The following RTF2 variants were observed in gnomAD, a reference collection of about 807,000 sequenced individuals.
RTF2 encodes the protein replication termination factor 2.
RTF2 carries 18 observed loss-of-function variants against 38.0 expected under a neutral mutation model. The ratio of observed to expected loss-of-function variants is 0.47; its 90% CI spans 0.33 to 0.70. The LOEUF is 0.70. RTF2 is among the 30% of genes least tolerant of loss of function. RTF2 has a pLI of 0.02. For missense variants in RTF2, 311 were observed against 379.6 expected (o/e 0.82, Z 1.50); for synonymous variants, 126 against 137.1 (o/e 0.92, Z 0.57).
intron 5 of RTF2, among the ~76,000 whole-genome samples, chr20:56,507,614 C>A (rs1984364252): frequency 6.6e-6 from 1 of 152,154 alleles, no homozygotes; most frequent in Non-Finnish European, 1.5e-5. Flanking sequence ...ACAGTCTGAT[C>A]TAGAGGAAGG....
At chr20:56,494,465 ACT>A (rs1983378386) in intron 5 of RTF2, among the ~76,000 whole-genome samples, 1 of 152,168 alleles carries the variant, frequency 6.6e-6, no homozygotes, top group South Asian at 2.1e-4. Context: ...CTGAGCATTT[ACT>A]GACTAGTCCT....
chr20:56,503,228 G>A (rs1827346802), intron 5 of RTF2, among the ~76,000 whole-genome samples: 1 of 152,220 alleles, frequency 6.6e-6, no homozygotes, highest in Non-Finnish European at 1.5e-5. Flanking sequence ...AGTTACTTGA[G>A]ATGAGTTGGA....
chr20:56,502,774 G>A (rs1984004462), intron 5 of RTF2, among the ~76,000 whole-genome samples: 1 of 152,166 alleles, frequency 6.6e-6, no homozygotes, highest in Admixed American at 6.5e-5. Flanking sequence ...TTCAAAAAGG[G>A]TGGGGGTTGA....
intron 5 of RTF2, chr20:56,496,841 A>T (rs780624175): frequency 7.1e-6 from 11 of 1,551,696 alleles, no homozygotes; most frequent in Non-Finnish European, 9.6e-6. Flanking sequence ...GTGCATAGAT[A>T]CTTCCTTTAG....
Position 56,474,664 on chromosome 20 carries a change from A to G in RTF2, c.165-14A>G. The stretch of plus-strand genomic sequence containing the variant: ...TCGCTTGTTGACATAATATTCTAAT[A>G]CTTACTATTGCAGACTTTATAACAA... On this transcript the variant is annotated splice_polypyrimidine_tract_variant and intron_variant, in intron 2 of 8. Coordinates refer to ENST00000357348, the MANE Select transcript of RTF2 (RefSeq NM_016407.5). 1.9e-6 allele frequency: 3 copies of G among 1,550,878 alleles called. No individual in the cohort carries two copies. The highest frequency in any genetic ancestry group is 2.6e-6 in the Non-Finnish European group (3 of 1,134,652).
At chr20:56,515,665 G>GAGACAC (rs1985002078) in intron 6 of RTF2, 1 of 145,684 alleles carries the variant, frequency 6.9e-6, no homozygotes, top group Admixed American at 6.9e-5. Flanking sequence ...CTCAGACAGA[G>GAGACAC]ACACACACAC....
Position 56,513,337 on chromosome 20 carries a change from A to G in RTF2, c.500A>G (p.Asp167Gly). 6.2e-7 allele frequency: 1 copy of G among 1,604,808 alleles called. No individual in the cohort carries two copies. The highest frequency in any genetic ancestry group is 8.5e-7 in the Non-Finnish European group (1 of 1,176,190). Residue 167 changes from aspartate (D) to glycine (G), a missense_variant, in exon 6 of 9, where the codon GAT becomes GGT. Transcript: ENST00000357348. The part of the protein sequence containing the change: ...CHTCGAAFQE[D>G]DVIMLNGTKE... ...CAGTGTGGGGCTGCCTTCCAGGAGGATGATGTCATCATGCTCAATGGCACC... is the reference window on the plus strand; with the variant it reads ...CAGTGTGGGGCTGCCTTCCAGGAGGGTGATGTCATCATGCTCAATGGCACC...
chr20:56,504,070 G>T (rs1984104590), intron 5 of RTF2: 1 of 152,286 alleles, frequency 6.6e-6, no homozygotes. Context: ...GAAGCCCCCT[G>T]GTTCCTGGAG....
intron 5 of RTF2, among the ~76,000 whole-genome samples, chr20:56,512,285 T>C (rs1984725070): frequency 6.6e-6 from 1 of 152,170 alleles, no homozygotes; most frequent in South Asian, 2.1e-4. Context: ...CGTTCTCTTT[T>C]TTTCCCTGTT....
At chr20:56,509,527 C>A (rs911902827) in intron 5 of RTF2, among the ~76,000 whole-genome samples, 1 of 151,184 alleles carries the variant, frequency 6.6e-6, no homozygotes, top group Admixed American at 6.6e-5. Context: ...GCAGGAGAAT[C>A]GCTTGAACCC....
rs1983040473 is a variant in RTF2, at chr20:56,490,364, G to GAA, written c.477+6176_477+6177insAA. Among the ~76,000 whole-genome samples the GAA allele has an allele frequency of 2.6e-5, 4 of 152,300 alleles. No homozygotes were observed. The South Asian group carries it at 8.3e-4, about 32-fold the overall frequency. On this transcript the variant is annotated intron_variant, in intron 5 of 8. Coordinates refer to ENST00000357348, the MANE Select transcript of RTF2 (RefSeq NM_016407.5). Reference sequence around the variant, plus strand: ...TGTATGAACTCTTTTAGAGAAGGAGGATATATATAAAGTTCTCCACAACAG... The same window carrying GAA: ...TGTATGAACTCTTTTAGAGAAGGAGGAAATATATATAAAGTTCTCCACAACAG...
Position 56,468,755 on chromosome 20 carries a change from A to G in RTF2, c.58A>G (p.Lys20Glu). 1 of 1,582,616 alleles carries G rather than the reference A, an allele frequency of 6.3e-7. No homozygotes were observed. The highest frequency in any genetic ancestry group is 2.3e-5 in the East Asian group (1 of 43,026). The change falls in exon 1 of 9, where the codon AAG (lysine) becomes GAG (glutamate). Residue 20 changes from lysine (K) to glutamate (E), a missense_variant. By Grantham distance (56) the Lys-to-Glu change is moderately conservative. Coordinates refer to ENST00000357348, the MANE Select transcript of RTF2 (RefSeq NM_016407.5). ...GCATGAACTGGTGAAGGGGCCGAAG[A>G]AGGTTGAGAAGGTCAGTGATGTGGG... ...KRHELVKGPK[K>E]VEKVDKDAEL...
intron 4 of RTF2, among the ~76,000 whole-genome samples, chr20:56,482,964 C>A (rs1344778242): frequency 6.6e-6 from 1 of 152,196 alleles, no homozygotes; most frequent in Non-Finnish European, 1.5e-5. Flanking sequence ...CTCATGGGGT[C>A]ACATTATATG....
rs578181688 is a variant in RTF2, at chr20:56,506,787, G to A, written c.478-6528G>A. ...ACGATCTCGGCTCACTGCAAGCTCC[G>A]CCTCCCAGCTTCACGCCATTCTCCT... On this transcript the variant is annotated intron_variant, in intron 5 of 8. Transcript: ENST00000357348. Among the ~76,000 whole-genome samples, 6 of 151,862 alleles carry A rather than the reference G, an allele frequency of 4.0e-5. No individual in the cohort carries two copies. The East Asian group carries it at 1.2e-3, about 30-fold the overall frequency.
chr20:56,491,700 A>G lies in RTF2; in HGVS notation c.477+7511A>G, dbSNP rs1318877954. ...ACAAGCGGGTCTGTCGAGGGTTCGAATTTGTTGGCAAACAGAGAAGGCGAC... is the reference window on the plus strand; with the variant it reads ...ACAAGCGGGTCTGTCGAGGGTTCGAGTTTGTTGGCAAACAGAGAAGGCGAC... On this transcript the variant is annotated intron_variant, in intron 5 of 8. Transcript: ENST00000357348. 3.2e-6 allele frequency: 5 copies of G among 1,552,124 alleles called. No individual in the cohort carries two copies. In the East Asian group the frequency reaches 7.3e-5, roughly 23 times the overall value.
chr20:56,517,230 G>C, intron 8 of RTF2, 29 bp downstream of exon 8: 1 of 1,587,970 alleles, frequency 6.3e-7, no homozygotes, highest in East Asian at 2.2e-5. Flanking sequence ...ACAGGGAGCT[G>C]TTTCGAGAAG....
chr20:56,497,703 A>G (rs1245327106), intron 5 of RTF2: 1 of 916,486 alleles, frequency 1.1e-6, no homozygotes, highest in African/African-American at 1.8e-5. Flanking sequence ...AGGGTGTTGT[A>G]ATTCTCCCCC....
chr20:56,491,825 C>T (rs1983165647), intron 5 of RTF2: 5 of 1,450,162 alleles, frequency 3.4e-6, no homozygotes, highest in Non-Finnish European at 4.7e-6. Flanking sequence ...TTTGTTTCCT[C>T]ACCCATTTTA....
intron 5 of RTF2, among the ~76,000 whole-genome samples, chr20:56,497,834 C>G (rs957385888): frequency 2.0e-5 from 3 of 152,208 alleles, no homozygotes; most frequent in African/African-American, 7.2e-5. Context: ...TATCCTCTTT[C>G]TTTCCATCCA....
Sources: allele counts gnomAD v4.1 joint callset (sites outside exome capture counted in the v4.1 genomes callset), GRCh38; gene constraint gnomAD v4.1.1; transcripts MANE v1.5; gene names NCBI Gene and HGNC (gene_info 2026-07-23, HGNC 2026-07-21).